The following CTNNA2 variants were observed in gnomAD, a reference collection of about 807,000 sequenced individuals.
The protein encoded by CTNNA2 is catenin alpha-2.
A neutral mutation model predicts 101.0 loss-of-function variants in CTNNA2; 42 were observed. That is an observed-to-expected ratio of 0.42 (90% confidence interval 0.32 to 0.54). The LOEUF is 0.54. Among genes scored for constraint, CTNNA2 ranks in the 20% least tolerant of loss-of-function variants. The pLI is 0.14. For synonymous variants in CTNNA2, 450 were observed against 456.4 expected (o/e 0.99, Z 0.18); for missense variants, 871 against 1,223.1 (o/e 0.71, Z 4.29).
At chr2:79,544,698 A>G (rs979794668) in intron 1 of CTNNA2, among the ~76,000 whole-genome samples, 8 of 152,206 alleles carry the variant, frequency 5.3e-5, no homozygotes. Flanking sequence ...ATGAGACCCA[A>G]AATGAAGATG....
intron 2 of CTNNA2, among the ~76,000 whole-genome samples, chr2:79,280,992 A>G (rs192269980): frequency 6.6e-6 from 1 of 152,184 alleles, no homozygotes; most frequent in Non-Finnish European, 1.5e-5. Context: ...TATTCAGCAT[A>G]ACTTTTCCTG....
chr2:80,060,386 G>A (rs1266715736), intron 7 of CTNNA2, among the ~76,000 whole-genome samples: 1 of 152,108 alleles, frequency 6.6e-6, no homozygotes, highest in Non-Finnish European at 1.5e-5. Flanking sequence ...CCATCTCTAA[G>A]CCTCCCAGCC....
chr2:80,229,572 G>A (rs1024647683), intron 7 of CTNNA2, among the ~76,000 whole-genome samples: 2 of 151,808 alleles, frequency 1.3e-5, no homozygotes, highest in African/African-American at 4.8e-5. Flanking sequence ...CATCCTCCCA[G>A]CACCTCTAAG....
intron 2 of CTNNA2, among the ~76,000 whole-genome samples, chr2:79,286,379 CA>C (rs1383677743): frequency 6.6e-6 from 1 of 152,154 alleles, no homozygotes; most frequent in Non-Finnish European, 1.5e-5. Context: ...CATGATTTTG[CA>C]GCGGCTGGTA....
intron 1 of CTNNA2, among the ~76,000 whole-genome samples, chr2:79,597,465 CAAA>C (rs35049509): frequency 0.024 from 3,381 of 138,624 alleles, 117 homozygotes; most frequent in African/African-American, 0.077. Context: ...GAGCGGGTCT[CAAA>C]AAAAAAAAAA....
chr2:80,136,556 T>A (rs1702709033), intron 7 of CTNNA2, among the ~76,000 whole-genome samples: 1 of 152,132 alleles, frequency 6.6e-6, no homozygotes, highest in Admixed American at 6.6e-5. Flanking sequence ...ACAACTATAG[T>A]TCTTTTGTGT....
intron 3 of CTNNA2, among the ~76,000 whole-genome samples, chr2:79,768,918 C>A (rs899661412): frequency 2.0e-5 from 3 of 151,994 alleles, no homozygotes; most frequent in Admixed American, 2.0e-4. Context: ...GCAGTGGCGC[C>A]ATCTCGGCTC....
intron 4 of CTNNA2, among the ~76,000 whole-genome samples, chr2:79,435,088 A>G (rs1331522887): frequency 1.3e-5 from 2 of 152,106 alleles, no homozygotes; most frequent in Admixed American, 1.3e-4. Flanking sequence ...GAGACAGGAC[A>G]TGAAGGTGTG....
At chr2:80,552,669 A>G (rs771222166) in intron 11 of CTNNA2, among the ~76,000 whole-genome samples, 4 of 152,200 alleles carry the variant, frequency 2.6e-5, no homozygotes, top group Non-Finnish European at 5.9e-5. Context: ...TGCTTACTGC[A>G]TACCTACACT....
At chr2:80,045,885 C>T (rs6753684) in intron 7 of CTNNA2, among the ~76,000 whole-genome samples, 9 of 151,908 alleles carry the variant, frequency 5.9e-5, no homozygotes, top group African/African-American at 2.2e-4. Flanking sequence ...TCAGTTTAAT[C>T]AACCTCGACA....
At chr2:80,313,283 A>C in intron 7 of CTNNA2, 1 of 818,698 alleles carries the variant, frequency 1.2e-6, no homozygotes, top group Non-Finnish European at 1.6e-6. Context: ...TCTGACAAGA[A>C]TCTTGAAAAT....
chr2:79,819,956 A>G (rs1233827305), intron 3 of CTNNA2, among the ~76,000 whole-genome samples: 1 of 152,144 alleles, frequency 6.6e-6, no homozygotes, highest in East Asian at 1.9e-4. Flanking sequence ...AATGACAATG[A>G]AAACAAAACA....
Position 80,523,748 on chromosome 2 carries a change from G to A in CTNNA2, c.1291-21234G>A, listed in dbSNP as rs577599730. Among the ~76,000 whole-genome samples the A allele has an allele frequency of 6.6e-5, 10 of 152,308 alleles. No individual in the cohort carries two copies. In the South Asian group the frequency reaches 1.4e-3, roughly 22 times the overall value. The stretch of plus-strand genomic sequence containing the variant: ...TAAGGTTAATACAGAAGAGGCAGGA[G>A]ATGGTCCCTGACTTTGAAAAGTTGA... On this transcript the variant is annotated intron_variant, in intron 9 of 18. Transcript: ENST00000402739.
At chr2:79,772,505 C>T (rs1251495377) in intron 3 of CTNNA2, among the ~76,000 whole-genome samples, 2 of 152,208 alleles carry the variant, frequency 1.3e-5, no homozygotes, top group East Asian at 3.9e-4. Context: ...CCATCTTCAG[C>T]ATGAGGCTTC....
chr2:80,643,589 A>C (rs537960404), intron 18 of CTNNA2, among the ~76,000 whole-genome samples: 1 of 152,294 alleles, frequency 6.6e-6, no homozygotes, highest in Non-Finnish European at 1.5e-5. Context: ...CTTTCTGCTG[A>C]AAAGGCCTGT....
At chr2:80,388,881 G>T (rs940888611) in intron 7 of CTNNA2, among the ~76,000 whole-genome samples, 2 of 152,336 alleles carry the variant, frequency 1.3e-5, no homozygotes, top group African/African-American at 2.4e-5. Context: ...TGCTTGTGAT[G>T]ATCAAATCCT....
chr2:79,440,662 A>G (rs1678768220), intron 4 of CTNNA2, among the ~76,000 whole-genome samples: 1 of 152,124 alleles, frequency 6.6e-6, no homozygotes, highest in Non-Finnish European at 1.5e-5. Context: ...AGAGACATGC[A>G]CTTCATTAAC....
At chr2:80,279,583 G>A (rs1260049194) in intron 7 of CTNNA2, among the ~76,000 whole-genome samples, 1 of 151,738 alleles carries the variant, frequency 6.6e-6, no homozygotes, top group Non-Finnish European at 1.5e-5. Flanking sequence ...TTCTGTCCTG[G>A]CTCTTCAGCT....
chr2:79,691,666 C>T (rs1456307947), intron 2 of CTNNA2, among the ~76,000 whole-genome samples: 1 of 151,992 alleles, frequency 6.6e-6, no homozygotes, highest in African/African-American at 2.4e-5. Context: ...GGTACTGGTA[C>T]CCAAACAGAT....
Sources: allele counts gnomAD v4.1 joint callset (sites outside exome capture counted in the v4.1 genomes callset), GRCh38; gene constraint gnomAD v4.1.1; transcripts MANE v1.5; gene names NCBI Gene and HGNC (gene_info 2026-07-23, HGNC 2026-07-21).